Variants in TRAPPC9 observed in about 807,000 individuals in gnomAD.
The protein encoded by TRAPPC9 is IKK2 binding protein.
TRAPPC9 carries 83 observed loss-of-function variants against 124.0 expected under a neutral mutation model. The ratio of observed to expected loss-of-function variants is 0.67; its 90% CI spans 0.56 to 0.80. TRAPPC9 has a LOEUF of 0.80. Among genes scored for constraint, TRAPPC9 ranks in the 30% least tolerant of loss-of-function variants. The pLI, the probability that TRAPPC9 is intolerant of heterozygous loss-of-function variation, is 0.00. For missense variants in TRAPPC9, 1,302 were observed against 1,508.3 expected, an observed-to-expected ratio of 0.86 and a Z score of 2.27; for synonymous variants, 638 against 617.5, an observed-to-expected ratio of 1.03 and a Z score of -0.49.
At chr8:140,417,878 G>A (rs1262196615) in intron 5 of TRAPPC9, among the ~76,000 whole-genome samples, 1 of 152,224 alleles carries the variant, frequency 6.6e-6, no homozygotes, top group East Asian at 1.9e-4. Context: ...ATACTATGCA[G>A]CCATAAAAAA....
rs1369885067 is a variant in TRAPPC9 at position 140,360,032 on chromosome 8, T to C, written c.1495+18A>G. 8 of 1,613,910 alleles carry C rather than the reference T, an allele frequency of 5.0e-6. No individual in the cohort carries two copies. Among genetic ancestry groups the C allele is most frequent in the African/African-American group, 1.3e-5 (1 of 74,984 alleles). Reference sequence around the variant, plus strand: ...CACAGTTCCTTGAAAAAAAACATTGTGGTTTGAGCTCACTCACCCTGATCC... The same window carrying C: ...CACAGTTCCTTGAAAAAAAACATTGCGGTTTGAGCTCACTCACCCTGATCC... On this transcript the variant is annotated intron_variant, in intron 9 of 22. Transcript: ENST00000438773.
chr8:139,900,443 A>G (rs1324984918), intron 20 of TRAPPC9, among the ~76,000 whole-genome samples: 1 of 152,180 alleles, frequency 6.6e-6, no homozygotes, highest in Non-Finnish European at 1.5e-5. Flanking sequence ...GGTGCTGGGG[A>G]TTCAGAGACC....
Position 140,393,729 on chromosome 8 carries a change from A to T in TRAPPC9, c.1134+3891T>A, listed in dbSNP as rs538985295. Among the ~76,000 whole-genome samples, 306 of 152,358 alleles carry T rather than the reference A, an allele frequency of 2.0e-3. 1 individual carries two copies. Among genetic ancestry groups the T allele is most frequent in the Non-Finnish European group, 3.4e-3 (228 of 68,040 alleles). On this transcript the variant is annotated intron_variant, in intron 7 of 22. Coordinates refer to ENST00000438773, the MANE Select transcript of TRAPPC9 (RefSeq NM_001160372.4). ...TAGCCAAAGTCATTTCCAGGAATAG[A>T]TACAACTCATCAATTCTACAATGGA... is the stretch of plus-strand genomic sequence containing the variant.
intron 11 of TRAPPC9, chr8:140,291,340 T>A (rs2065652132): frequency 7.4e-6 from 4 of 538,834 alleles, no homozygotes; most frequent in Middle Eastern, 5.2e-4. Context: ...CTGGCATCAG[T>A]CCAGATGGCA....
At chr8:140,000,854 C>T (rs1838342372) in intron 18 of TRAPPC9, among the ~76,000 whole-genome samples, 1 of 152,154 alleles carries the variant, frequency 6.6e-6, no homozygotes, top group South Asian at 2.1e-4. Context: ...ACTGGAAATA[C>T]CATTTGAACC....
At chr8:139,878,084 T>C (rs1276608280) in intron 21 of TRAPPC9, among the ~76,000 whole-genome samples, 2 of 152,246 alleles carry the variant, frequency 1.3e-5, no homozygotes, top group Non-Finnish European at 2.9e-5. Flanking sequence ...AAAAAGCCAC[T>C]ACATGTAACT....
intron 19 of TRAPPC9, among the ~76,000 whole-genome samples, chr8:139,952,606 A>T (rs1027594359): frequency 1.3e-5 from 2 of 152,102 alleles, no homozygotes; most frequent in Non-Finnish European, 1.5e-5. Context: ...GGATAGAAAA[A>T]AGACTCAGAG....
At chr8:140,061,183 C>T (rs1220575267) in intron 17 of TRAPPC9, among the ~76,000 whole-genome samples, 3 of 152,150 alleles carry the variant, frequency 2.0e-5, no homozygotes, top group Non-Finnish European at 4.4e-5. Context: ...ACAGTTAAGG[C>T]CAACATTTGG....
chr8:140,299,504 G>T (rs2065905069), intron 11 of TRAPPC9, among the ~76,000 whole-genome samples: 2 of 152,262 alleles, frequency 1.3e-5, no homozygotes, highest in South Asian at 4.1e-4. Context: ...CAAACACAGA[G>T]CGCCGCGGTT....
intron 6 of TRAPPC9, among the ~76,000 whole-genome samples, chr8:140,401,927 CTT>C (rs769830190): frequency 2.1e-5 from 3 of 139,754 alleles, no homozygotes; most frequent in Non-Finnish European, 1.6e-5. Flanking sequence ...CACTCAACCT[CTT>C]TTTTTTTTTT....
intron 19 of TRAPPC9, among the ~76,000 whole-genome samples, chr8:139,925,022 G>C (rs745790188): frequency 1.3e-5 from 2 of 152,142 alleles, no homozygotes; most frequent in African/African-American, 2.4e-5. Flanking sequence ...CAGCACGAGG[G>C]GCCACCCCAC....
intron 17 of TRAPPC9, among the ~76,000 whole-genome samples, chr8:140,085,782 G>A (rs1036249502): frequency 1.6e-4 from 24 of 152,192 alleles, no homozygotes; most frequent in Non-Finnish European, 3.5e-4. Flanking sequence ...ATCGTGTCCC[G>A]ATCTGGCGCG....
At chr8:139,958,998 T>C (rs1401191727) in intron 19 of TRAPPC9, among the ~76,000 whole-genome samples, 1 of 149,624 alleles carries the variant, frequency 6.7e-6, no homozygotes, top group Non-Finnish European at 1.5e-5. Context: ...AGCACTGCAT[T>C]CCGAGTCACA....
At chr8:140,122,118 T>C (rs1323889428) in intron 17 of TRAPPC9, among the ~76,000 whole-genome samples, 2 of 151,624 alleles carry the variant, frequency 1.3e-5, no homozygotes, top group Admixed American at 6.6e-5. Flanking sequence ...CTGGGAAACT[T>C]CAATGAGTCA....
intron 16 of TRAPPC9, among the ~76,000 whole-genome samples, chr8:140,235,212 A>T (rs1412107582): frequency 6.6e-6 from 1 of 152,184 alleles, no homozygotes; most frequent in Non-Finnish European, 1.5e-5. Flanking sequence ...ACCTCAGGTG[A>T]TCCACCTGCC....
chr8:140,180,743 C>T (rs1467826580), intron 17 of TRAPPC9, among the ~76,000 whole-genome samples: 2 of 149,894 alleles, frequency 1.3e-5, no homozygotes, highest in African/African-American at 4.9e-5. Flanking sequence ...AGCATTTTTT[C>T]CAACAAGAGG....
intron 17 of TRAPPC9, among the ~76,000 whole-genome samples, chr8:140,057,470 A>C (rs1842355819): frequency 6.6e-6 from 1 of 152,240 alleles, no homozygotes; most frequent in Non-Finnish European, 1.5e-5. Context: ...GATAAGCAAA[A>C]TGTGGTCGAT....
chr8:140,072,242 A>G (rs1013843066), intron 17 of TRAPPC9, among the ~76,000 whole-genome samples: 10 of 152,210 alleles, frequency 6.6e-5, no homozygotes, highest in Admixed American at 5.9e-4. Flanking sequence ...ATTTTTAACA[A>G]ATGAAGAGGC....
intron 16 of TRAPPC9, among the ~76,000 whole-genome samples, chr8:140,233,751 A>AG (rs1192334887): frequency 8.0e-6 from 1 of 125,534 alleles, no homozygotes; most frequent in East Asian, 2.0e-4. Flanking sequence ...ACACATTAAA[A>AG]GAAAAAAAAA....
Sources: allele counts gnomAD v4.1 joint callset (sites outside exome capture counted in the v4.1 genomes callset), GRCh38; gene constraint gnomAD v4.1.1; transcripts MANE v1.5; gene names NCBI Gene and HGNC (gene_info 2026-07-23, HGNC 2026-07-21).